The following KIAA1328 variants were observed in gnomAD, a reference collection of about 807,000 sequenced individuals.
KIAA1328 encodes the protein protein hinderin.
In KIAA1328, 52 loss-of-function variants were observed where a neutral mutation model predicts 68.1. The ratio of observed to expected loss-of-function variants is 0.76; its 90% CI spans 0.61 to 0.96. The LOEUF (loss-of-function observed/expected upper bound fraction) is 0.96, where lower values mean the gene tolerates loss of function less well. Ranked by LOEUF, KIAA1328 falls within the 40% of genes least tolerant of loss-of-function variation. The probability of loss-of-function intolerance (pLI) is 0.00; values close to 1 mark genes in which losing one functional copy is unlikely to be tolerated. For missense variants in KIAA1328, 641 were observed against 677.6 expected (o/e 0.95, Z 0.60); for synonymous variants, 232 against 239.4 (o/e 0.97, Z 0.28).
chr18:36,927,000 C>T (rs2050143616), intron 5 of KIAA1328, among the ~76,000 whole-genome samples: 1 of 152,122 alleles, frequency 6.6e-6, no homozygotes, highest in African/African-American at 2.4e-5. Context: ...CTCTTTTAAA[C>T]AACAAGATCT....
chr18:37,169,432 TG>T (rs1271995165), intron 8 of KIAA1328, among the ~76,000 whole-genome samples: 13 of 152,180 alleles, frequency 8.5e-5, no homozygotes, highest in Admixed American at 2.0e-4. Flanking sequence ...CCCAAAGTGC[TG>T]GGATTACAGG....
chr18:37,008,982 A>G (rs536577782), intron 6 of KIAA1328, among the ~76,000 whole-genome samples: 46 of 152,304 alleles, frequency 3.0e-4, no homozygotes, highest in African/African-American at 1.1e-3. Flanking sequence ...AAGATTACAT[A>G]AACAGAACTA....
intron 6 of KIAA1328, among the ~76,000 whole-genome samples, chr18:37,011,731 G>C (rs963971931): frequency 5.9e-5 from 9 of 152,146 alleles, no homozygotes; most frequent in Admixed American, 5.2e-4. Context: ...GTTATATACT[G>C]TATGAATACA....
In KIAA1328 at chr18:37,126,576, T is replaced by G. The variant is rs867988278; in HGVS notation, c.1233-33624T>G. Among the ~76,000 whole-genome samples the G allele has an allele frequency of 4.6e-5, 7 of 152,086 alleles. No homozygotes were observed. In the South Asian group the frequency reaches 1.2e-3, roughly 27 times the overall value. On this transcript the variant is annotated intron_variant, in intron 7 of 9. Transcript: ENST00000280020. ...TATAATAAAAATTCTTGCAAAAAAA[T>G]GAAGGAAGAAGGAATACTTTCAGAC... is the stretch of plus-strand genomic sequence containing the variant.
At chr18:36,961,590 G>A (rs1365655784) in intron 6 of KIAA1328, among the ~76,000 whole-genome samples, 1 of 152,216 alleles carries the variant, frequency 6.6e-6, no homozygotes. Context: ...CCCACAAAGG[G>A]AAGCTCATCA....
intron 6 of KIAA1328, among the ~76,000 whole-genome samples, chr18:37,034,545 T>C (rs905044259): frequency 6.6e-6 from 1 of 152,214 alleles, no homozygotes; most frequent in Non-Finnish European, 1.5e-5. Flanking sequence ...TCTTTTAGCT[T>C]TATTAACATT....
At chr18:37,202,780 CATT>C (rs1292246404) in intron 9 of KIAA1328, among the ~76,000 whole-genome samples, 4 of 151,956 alleles carry the variant, frequency 2.6e-5, no homozygotes, top group Admixed American at 6.6e-5. Flanking sequence ...GGTTAAACAC[CATT>C]ATTATTTGAC....
intron 4 of KIAA1328, among the ~76,000 whole-genome samples, chr18:36,882,906 T>A (rs1179421492): frequency 1.3e-5 from 2 of 152,182 alleles, no homozygotes; most frequent in African/African-American, 4.8e-5. Flanking sequence ...GAAAAAAATC[T>A]TTGGGACATT....
chr18:37,186,094 C>CTTTTTTT (rs748423012), intron 9 of KIAA1328, among the ~76,000 whole-genome samples: 34 of 90,450 alleles, frequency 3.8e-4, no homozygotes, highest in Admixed American at 5.7e-4. Flanking sequence ...TCAAGGATGT[C>CTTTTTTT]TTTTTTTTTT....
At chr18:36,856,854 G>A (rs1317776767) in intron 4 of KIAA1328, among the ~76,000 whole-genome samples, 1 of 152,148 alleles carries the variant, frequency 6.6e-6, no homozygotes, top group Non-Finnish European at 1.5e-5. Context: ...GAGGTCTGCT[G>A]TTGCCTGTTT....
At chr18:36,934,061 T>TG (rs1300986881) in intron 5 of KIAA1328, among the ~76,000 whole-genome samples, 5 of 152,100 alleles carry the variant, frequency 3.3e-5, no homozygotes, top group Non-Finnish European at 7.4e-5. Context: ...CAGATATCTA[T>TG]GGGGGGTCAT....
At chr18:37,178,037 G>T (rs1013792306) in intron 9 of KIAA1328, among the ~76,000 whole-genome samples, 3 of 151,512 alleles carry the variant, frequency 2.0e-5, no homozygotes, top group South Asian at 2.1e-4. Flanking sequence ...AGTAATTGTG[G>T]TTTTTTTTCT....
chr18:37,037,448 T>C (rs1417493826), intron 6 of KIAA1328, among the ~76,000 whole-genome samples: 1 of 152,190 alleles, frequency 6.6e-6, no homozygotes, highest in Non-Finnish European at 1.5e-5. Flanking sequence ...CATAATTTAG[T>C]TTTTTTACTT....
intron 7 of KIAA1328, among the ~76,000 whole-genome samples, chr18:37,098,545 T>C (rs1028772583): frequency 3.3e-5 from 5 of 152,136 alleles, no homozygotes; most frequent in African/African-American, 1.2e-4. Context: ...CTTTTTTTGT[T>C]GTGTCTCTGC....
In KIAA1328 at chr18:36,959,316, C is replaced by A. The variant is rs2051556477; in HGVS notation, c.457C>A (p.Leu153Ile). Reference protein sequence around the residue: ...LIIKEREALQLQYRECQELLS... With the variant: ...LIIKEREALQIQYRECQELLS... ...TTAATTTGCAATCTCACCTCTTCAG[C>A]TACAGTATAGAGAATGCCAAGAACT... is the stretch of plus-strand genomic sequence containing the variant. The change falls in exon 6 of 10, where the codon CTA becomes ATA. Residue 153 changes from leucine (L) to isoleucine (I), a missense_variant. Physicochemically the swap from Leu to Ile is conservative, Grantham distance 5. Coordinates refer to ENST00000280020, the MANE Select transcript of KIAA1328 (RefSeq NM_020776.3). 9 of 1,586,238 alleles carry A rather than the reference C, an allele frequency of 5.7e-6. No homozygotes were observed. Among genetic ancestry groups the A allele is most frequent in the Non-Finnish European group, 7.7e-6 (9 of 1,171,092 alleles).
intron 8 of KIAA1328, among the ~76,000 whole-genome samples, chr18:37,170,043 C>T (rs2059470766): frequency 6.6e-6 from 1 of 152,172 alleles, no homozygotes. Flanking sequence ...TGTTTCTACT[C>T]CTATTTGTCT....
At chr18:36,941,997 T>C (rs532537449) in intron 5 of KIAA1328, among the ~76,000 whole-genome samples, 1 of 152,356 alleles carries the variant, frequency 6.6e-6, no homozygotes, top group South Asian at 2.1e-4. Flanking sequence ...TCATAAATAC[T>C]ACAATAAATA....
At chr18:37,056,840 A>G (rs2055928771) in intron 6 of KIAA1328, among the ~76,000 whole-genome samples, 1 of 152,044 alleles carries the variant, frequency 6.6e-6, no homozygotes, top group Admixed American at 6.6e-5. Context: ...ATGGGGTTTC[A>G]CTATGTTGGC....
chr18:37,137,437 A>T (rs1174632386), intron 7 of KIAA1328, among the ~76,000 whole-genome samples: 1 of 152,106 alleles, frequency 6.6e-6, no homozygotes, highest in Non-Finnish European at 1.5e-5. Flanking sequence ...TTGAGAGCAT[A>T]AGCTGTATTT....
Sources: gnomAD v4.1 joint callset for allele counts (sites outside exome capture counted in the v4.1 genomes callset) on GRCh38, gnomAD v4.1.1 for gene constraint, MANE v1.5 for transcripts, NCBI Gene and HGNC (gene_info 2026-07-23, HGNC 2026-07-21) for gene names.